The following RB1 variants were observed in gnomAD, a reference collection of about 807,000 sequenced individuals.
The protein encoded by RB1 is retinoblastoma-associated protein.
Under a neutral mutation model 135.4 loss-of-function variants are expected in RB1, and 18 were observed. The observed-to-expected ratio is 0.13, with a 90% CI of 0.09 to 0.20. RB1 has a LOEUF of 0.20. Ranked by LOEUF, RB1 falls within the 10% of genes least tolerant of loss-of-function variation. The pLI is 1.00. For synonymous variants in RB1, 365 were observed against 373.2 expected (o/e 0.98, Z 0.25); for missense variants, 868 against 1,110.0 (o/e 0.78, Z 3.10).
At chr13:48,403,347 G>C (rs1948710463) in intron 17 of RB1, among the ~76,000 whole-genome samples, 1 of 151,974 alleles carries the variant, frequency 6.6e-6, no homozygotes, top group African/African-American at 2.4e-5. Flanking sequence ...TGACAAAAAA[G>C]ACACATATCA....
intron 17 of RB1, chr13:48,404,037 A>C (rs760170873): frequency 5.3e-5 from 8 of 152,174 alleles, no homozygotes; most frequent in Non-Finnish European, 1.0e-4. Flanking sequence ...CCTCTTTACT[A>C]ATGGATTATA....
intron 23 of RB1, among the ~76,000 whole-genome samples, chr13:48,471,365 TCACATGGA>T (rs1479601964): frequency 1.4e-5 from 1 of 72,470 alleles, no homozygotes; most frequent in Non-Finnish European, 2.8e-5. Flanking sequence ...AACAATGAGA[TCACATGGA>T]CACAGGAAGG....
At chr13:48,378,859 CAGTT>C (rs559810852) in intron 13 of RB1, among the ~76,000 whole-genome samples, 1 of 152,036 alleles carries the variant, frequency 6.6e-6, no homozygotes, top group Non-Finnish European at 1.5e-5. Context: ...GATATGCAGT[CAGTT>C]ATTGACCAAA....
In RB1 at chr13:48,319,663, G is replaced by GCGC; in HGVS notation, c.264+12259_264+12261dup. The stretch of plus-strand genomic sequence containing the variant: ...TGGGCGCCCTTCAGACCCTGCCGAT[G>GCGC]CGCCACCTTTGCGGCTAGCTCTTCG... On this transcript the variant is annotated intron_variant, in intron 2 of 26. Coordinates refer to ENST00000267163, the MANE Select transcript of RB1 (RefSeq NM_000321.3). The surrounding 1 kb of genome is among the most constrained non-coding windows in gnomAD (Gnocchi z 5.0). 3.9e-6 allele frequency: 1 copy of GCGC among 253,524 alleles called. No individual in the cohort carries two copies. The highest frequency in any genetic ancestry group is 8.2e-6 in the Non-Finnish European group (1 of 122,468). The allele number at this position is 253,524 out of a possible 1,614,324, so 15.7% of individuals were successfully genotyped here.
At chr13:48,356,491 C>A (rs1952592884) in intron 6 of RB1, among the ~76,000 whole-genome samples, 1 of 151,892 alleles carries the variant, frequency 6.6e-6, no homozygotes, top group African/African-American at 2.4e-5. Flanking sequence ...TAAGAGGTTA[C>A]AATCTTTATT....
intron 2 of RB1, chr13:48,320,352 C>T (rs954116333): frequency 1.6e-6 from 2 of 1,247,626 alleles, no homozygotes; most frequent in African/African-American, 1.5e-5. Flanking sequence ...CGCTCACCGA[C>T]ACGCTCTCCA....
chr13:48,355,633 G>A (rs577827082), intron 6 of RB1, among the ~76,000 whole-genome samples: 1 of 152,226 alleles, frequency 6.6e-6, no homozygotes, highest in East Asian at 1.9e-4. Flanking sequence ...GTTTGTTGCA[G>A]CACTGTTTAC....
At chr13:48,466,066 G>T (rs1191583292) in intron 23 of RB1, among the ~76,000 whole-genome samples, 3 of 151,178 alleles carry the variant, frequency 2.0e-5, no homozygotes, top group East Asian at 3.9e-4. Context: ...ACAGGTCAAG[G>T]AGGCCTGCCT....
chr13:48,366,944 C>A (rs1193519716), intron 9 of RB1, among the ~76,000 whole-genome samples: 1 of 151,912 alleles, frequency 6.6e-6, no homozygotes, highest in African/African-American at 2.4e-5. Flanking sequence ...CATGGCGAAA[C>A]CCCGTCTCTA....
intron 2 of RB1, among the ~76,000 whole-genome samples, chr13:48,330,231 A>G (rs1005959278): frequency 1.1e-4 from 16 of 152,092 alleles, no homozygotes; most frequent in African/African-American, 3.6e-4. Context: ...AAACAGTAGG[A>G]CCCCAGATAA....
At chr13:48,390,838 T>A (rs1264217609) in intron 17 of RB1, among the ~76,000 whole-genome samples, 1 of 152,200 alleles carries the variant, frequency 6.6e-6, no homozygotes, top group Non-Finnish European at 1.5e-5. Flanking sequence ...ATTTAACTTA[T>A]ACGTGTCTTT....
intron 2 of RB1, chr13:48,318,690 C>T: frequency 1.6e-6 from 1 of 617,916 alleles, no homozygotes; most frequent in Non-Finnish European, 2.9e-6. Context: ...CATGGCATGG[C>T]CGCCGCCTCT....
At chr13:48,352,451 A>G (rs1016512891) in intron 6 of RB1, among the ~76,000 whole-genome samples, 33 of 151,640 alleles carry the variant, frequency 2.2e-4, no homozygotes, top group Admixed American at 2.2e-3. Context: ...TTGGGGCAGT[A>G]TGGCCATTTT....
At chr13:48,348,740 A>G (rs1376866169) in intron 5 of RB1, among the ~76,000 whole-genome samples, 2 of 151,046 alleles carry the variant, frequency 1.3e-5, no homozygotes, top group South Asian at 4.1e-4. Context: ...GCTAAATATC[A>G]TATCTTAGAA....
At chr13:48,388,616 T>C (rs1948588186) in intron 17 of RB1, among the ~76,000 whole-genome samples, 1 of 152,184 alleles carries the variant, frequency 6.6e-6, no homozygotes. Flanking sequence ...TGGCAAGATC[T>C]GTGATTTGAA....
intron 13 of RB1, among the ~76,000 whole-genome samples, chr13:48,377,869 G>A (rs1319734480): frequency 6.6e-6 from 1 of 152,092 alleles, no homozygotes. Context: ...TAGGCTACAG[G>A]CCTCTACAGC....
chr13:48,409,787 G>T (rs1429788857), intron 17 of RB1, among the ~76,000 whole-genome samples: 1 of 151,694 alleles, frequency 6.6e-6, no homozygotes, highest in Non-Finnish European at 1.5e-5. Flanking sequence ...CACCATGTTG[G>T]CCAGGAGGGT....
At chr13:48,328,442 G>C in intron 2 of RB1, 1 of 1,087,308 alleles carries the variant, frequency 9.2e-7, no homozygotes, top group Non-Finnish European at 1.4e-6. Context: ...GAGGTCTGCA[G>C]CTTCTTCTTC....
intron 17 of RB1, among the ~76,000 whole-genome samples, chr13:48,434,637 C>G (rs1949164159): frequency 1.3e-5 from 2 of 152,134 alleles, no homozygotes; most frequent in Non-Finnish European, 2.9e-5. Flanking sequence ...GGGGTTTCCA[C>G]TATACACCAT....
Sources: allele counts gnomAD v4.1 joint callset (sites outside exome capture counted in the v4.1 genomes callset), GRCh38; gene constraint gnomAD v4.1.1; non-coding constraint Gnocchi (gnomAD v3.1); transcripts MANE v1.5; gene names NCBI Gene and HGNC (gene_info 2026-07-23, HGNC 2026-07-21).